The following PIEZO2 variants were observed in gnomAD, a reference collection of about 807,000 sequenced individuals.
PIEZO2 encodes the protein piezo type mechanosensitive ion channel component 2, also known as piezo-type mechanosensitive ion channel component 2.
A neutral mutation model predicts 337.3 loss-of-function variants in PIEZO2; 172 were observed. The ratio of observed to expected loss-of-function variants is 0.51; its 90% CI spans 0.45 to 0.58. The LOEUF (loss-of-function observed/expected upper bound fraction) is 0.58. PIEZO2 is among the 20% of genes least tolerant of loss of function. The pLI, the probability that PIEZO2 is intolerant of heterozygous loss-of-function variation, is 0.00. For missense variants in PIEZO2, 3,028 were observed against 3,391.3 expected (o/e 0.89, Z 2.66); for synonymous variants, 1,251 against 1,228.5 (o/e 1.02, Z -0.38).
intron 49 of PIEZO2, among the ~76,000 whole-genome samples, chr18:10,687,811 G>A (rs2034615730): frequency 6.6e-6 from 1 of 152,140 alleles, no homozygotes; most frequent in Non-Finnish European, 1.5e-5. Flanking sequence ...CTGGCTAAGA[G>A]CCAGATGCAA....
At chr18:10,939,769 G>T (rs1338769735) in intron 3 of PIEZO2, among the ~76,000 whole-genome samples, 3 of 152,064 alleles carry the variant, frequency 2.0e-5, no homozygotes, top group Admixed American at 2.0e-4. Flanking sequence ...GCCTGTCAGG[G>T]GTTAGGAGGC....
chr18:10,775,100 T>C lies in PIEZO2; in HGVS notation c.2535-1062A>G, dbSNP rs377625409. On this transcript the variant is annotated intron_variant, in intron 18 of 55. Coordinates refer to ENST00000674853, the MANE Select transcript of PIEZO2 (RefSeq NM_001378183.1). The surrounding 1 kb of genome is among the most constrained non-coding windows in gnomAD (Gnocchi z 4.3). ...CACAGGATGTCCAGCAGGTAAATGA[T>C]AGTATGCCAGAAACAGATTGTTAAT... Among the ~76,000 whole-genome samples, 26 of 152,336 alleles carry C rather than the reference T, an allele frequency of 1.7e-4. No homozygotes were observed. The East Asian group carries it at 4.6e-3, about 27-fold the overall frequency.
intron 1 of PIEZO2, among the ~76,000 whole-genome samples, chr18:11,118,751 T>C (rs1162736018): frequency 1.9e-5 from 2 of 105,850 alleles, no homozygotes; most frequent in African/African-American, 5.1e-5. Flanking sequence ...TAGATCAGGT[T>C]AATTACAGAA....
At chr18:10,976,666 A>G (rs1183691255) in intron 3 of PIEZO2, among the ~76,000 whole-genome samples, 1 of 152,224 alleles carries the variant, frequency 6.6e-6, no homozygotes, top group Admixed American at 6.5e-5. Flanking sequence ...AGATGCTGAC[A>G]TGTTCAAACT....
intron 3 of PIEZO2, among the ~76,000 whole-genome samples, chr18:10,944,878 C>T (rs1331132132): frequency 6.6e-6 from 1 of 151,860 alleles, no homozygotes; most frequent in African/African-American, 2.4e-5. Context: ...ACAGTGGTTC[C>T]TAAGGGGGGA....
chr18:10,791,704 G>C (rs1331077180), intron 13 of PIEZO2: 1 of 155,216 alleles, frequency 6.4e-6, no homozygotes, highest in African/African-American at 2.4e-5. Context: ...TGTACTTCTT[G>C]CATAATACTC....
rs764436484 is a variant in PIEZO2 at position 10,883,816 on chromosome 18, C to CTTTCTTTTTT, written c.330-12402_330-12401insAAAAAAGAAA. Among the ~76,000 whole-genome samples the CTTTCTTTTTT allele has an allele frequency of 4.1e-5, 5 of 122,824 alleles. No homozygotes were observed. The East Asian group carries it at 1.3e-3, about 31-fold the overall frequency. 80.6% of individuals were successfully genotyped at this position (122,824 alleles called of 152,430 possible). On this transcript the variant is annotated intron_variant, in intron 4 of 55. Transcript: ENST00000674853. ...TACCCTGTTTCTATGAGTCCTACTT[C>CTTTCTTTTTT]TTTTTTTTTTTTGAGACAGAGTCTC...
At chr18:10,788,427 A>AAAGG (rs10532745) in intron 15 of PIEZO2, among the ~76,000 whole-genome samples, 15,772 of 123,790 alleles carry the variant, frequency 0.13, 1,097 homozygotes, top group Middle Eastern at 0.22. Context: ...AAAAAGAAAG[A>AAAGG]AAGGAAGGAA....
Position 10,821,127 on chromosome 18 carries a change from A to T in PIEZO2, c.918-13853T>A, listed in dbSNP as rs970957589. ...TCCATTACTCTGTGCCACAAATATC[A>T]GCCTTCTCATCCTCTCCAAATTCCC... On this transcript the variant is annotated intron_variant, in intron 7 of 55. Transcript: ENST00000674853. The surrounding 1 kb of genome is among the most constrained non-coding windows in gnomAD (Gnocchi z 4.2). Among the ~76,000 whole-genome samples, 5 of 152,150 alleles carry T rather than the reference A, an allele frequency of 3.3e-5. No homozygotes were observed. The East Asian group carries it at 5.8e-4, about 18-fold the overall frequency.
At chr18:10,681,990 T>G in intron 50 of PIEZO2, 114 bp downstream of exon 50, 1 of 1,080,702 alleles carries the variant, frequency 9.3e-7, no homozygotes. Context: ...TGCTGAGCAG[T>G]CAAATGCCGA....
intron 4 of PIEZO2, among the ~76,000 whole-genome samples, chr18:10,886,189 G>T (rs923178224): frequency 1.3e-5 from 2 of 148,772 alleles, no homozygotes; most frequent in Non-Finnish European, 3.0e-5. Flanking sequence ...TGTGCATTTT[G>T]CGCATTTGTG....
chr18:11,096,372 G>T lies in PIEZO2; in HGVS notation c.65-30150C>A, dbSNP rs1210558259. Among the ~76,000 whole-genome samples the T allele has an allele frequency of 6.6e-6, 1 of 152,218 alleles. No individual in the cohort carries two copies. The highest frequency in any genetic ancestry group is 1.5e-5 in the Non-Finnish European group (1 of 68,036). ...TTTGAATGCTGAATCTTGTCCAAAG[G>T]CATCAGGCTTACAAAGGTGGACATC... On this transcript the variant is annotated intron_variant, in intron 1 of 55. Transcript: ENST00000674853. This position sits in a 1 kb window ranked among gnomAD's most constrained non-coding sequence, Gnocchi z 4.6.
At position 10,888,862 on chromosome 18, in the gene PIEZO2, A is replaced by G. The variant is rs1223304889; in HGVS notation, c.330-17447T>C. ...CCGAGACAGAGCCACTTTCTCATAC[A>G]GGGTACACTTCCACCAACACCTCCA... is the stretch of plus-strand genomic sequence containing the variant. On this transcript the variant is annotated intron_variant, in intron 4 of 55. Transcript: ENST00000674853. The surrounding 1 kb of genome is among the most constrained non-coding windows in gnomAD (Gnocchi z 4.1). Among the ~76,000 whole-genome samples, 1 of 151,444 alleles carries G rather than the reference A, an allele frequency of 6.6e-6. No homozygotes were observed. The highest frequency in any genetic ancestry group is 1.5e-5 in the Non-Finnish European group (1 of 67,944).
Position 10,969,330 on chromosome 18 carries a change from T to C in PIEZO2, c.286+10205A>G, listed in dbSNP as rs1184823780. On this transcript the variant is annotated intron_variant, in intron 3 of 55. Coordinates refer to ENST00000674853, the MANE Select transcript of PIEZO2 (RefSeq NM_001378183.1). This position sits in a 1 kb window ranked among gnomAD's most constrained non-coding sequence, Gnocchi z 4.5. ...AGCAAACCAAATCAATCCCAAATCA[T>C]TTTAAACTTCCTGCTCTGTGATTTG... 6.6e-6 allele frequency among the ~76,000 whole-genome samples: 1 copy of C among 152,160 alleles called. No individual in the cohort carries two copies.
At position 10,680,316 on chromosome 18, in the gene PIEZO2, A is replaced by G. The variant is rs1422663584; in HGVS notation, c.7835T>C (p.Leu2612Pro). ...YEKEDITVAE[L>P]EGNSNSLWTI... ...CCACAAAGAATTTGAGTTTCCTTCC[A>G]GTTCTGCTACTGTTATGTCTTCTTT... Residue 2612 changes from leucine (L) to proline (P), a missense_variant, in exon 52 of 56, where the codon CTG becomes CCG. Physicochemically the swap from Leu to Pro is moderately conservative, Grantham distance 98. Coordinates refer to ENST00000674853, the MANE Select transcript of PIEZO2 (RefSeq NM_001378183.1). 6.2e-7 allele frequency: 1 copy of G among 1,613,990 alleles called. No homozygotes were observed. The highest frequency in any genetic ancestry group is 8.5e-7 in the Non-Finnish European group (1 of 1,179,976).
chr18:10,960,914 C>T (rs1451976956), intron 3 of PIEZO2, among the ~76,000 whole-genome samples: 1 of 152,170 alleles, frequency 6.6e-6, no homozygotes, highest in Non-Finnish European at 1.5e-5. Context: ...GGTGGTGGCT[C>T]ATGCCTGTAA....
chr18:10,702,453 T>C (rs1296885363), intron 42 of PIEZO2, among the ~76,000 whole-genome samples: 5 of 152,234 alleles, frequency 3.3e-5, no homozygotes, highest in Non-Finnish European at 5.9e-5. Flanking sequence ...TTCCTCTTTT[T>C]TGAGGTGTTG....
At chr18:10,841,101 G>A (rs1460729355) in intron 7 of PIEZO2, among the ~76,000 whole-genome samples, 3 of 152,106 alleles carry the variant, frequency 2.0e-5, no homozygotes, top group Non-Finnish European at 4.4e-5. Flanking sequence ...TTTATTTCTT[G>A]TTCAGGTGAG....
At position 11,116,837 on chromosome 18, in the gene PIEZO2, G is replaced by A. The variant is rs527379931; in HGVS notation, c.64+31688C>T. ...TTTATTGTGTATTTCAGCCAGGCAC[G>A]GTGGCTCACACCTGTAATCCCAGCA... is the stretch of plus-strand genomic sequence containing the variant. On this transcript the variant is annotated intron_variant, in intron 1 of 55. Transcript: ENST00000674853. This position sits in a 1 kb window ranked among gnomAD's most constrained non-coding sequence, Gnocchi z 5.0. Among the ~76,000 whole-genome samples the A allele has an allele frequency of 2.6e-5, 4 of 152,270 alleles. No homozygotes were observed. The highest frequency in any genetic ancestry group is 6.5e-5 in the Admixed American group (1 of 15,292).
Sources: gnomAD v4.1 joint callset for allele counts (sites outside exome capture counted in the v4.1 genomes callset) on GRCh38, gnomAD v4.1.1 for gene constraint, Gnocchi (gnomAD v3.1) non-coding constraint, MANE v1.5 for transcripts, NCBI Gene and HGNC (gene_info 2026-07-23, HGNC 2026-07-21) for gene names.